Variants in IQSEC2 observed in about 807,000 individuals in gnomAD.
IQSEC2 encodes the protein IQ motif and SEC7 domain-containing protein 2.
Under a neutral mutation model 74.6 loss-of-function variants are expected in IQSEC2, and 6 were observed. The observed-to-expected ratio is 0.08, with a 90% CI of 0.04 to 0.16. The LOEUF is 0.16. Among genes scored for constraint, IQSEC2 ranks in the 10% least tolerant of loss-of-function variants. The probability of loss-of-function intolerance (pLI) is 1.00; values close to 1 mark genes in which losing one functional copy is unlikely to be tolerated. For synonymous variants in IQSEC2, 494 were observed against 544.5 expected, an observed-to-expected ratio of 0.91 and a Z score of 1.29; for missense variants, 734 against 1,306.2, an observed-to-expected ratio of 0.56 and a Z score of 6.75.
intron 2 of IQSEC2, among the ~76,000 whole-genome samples, chrX:53,258,625 C>T (rs1182381759): frequency 9.1e-6 from 1 of 110,471 alleles, no homozygotes; most frequent in African/African-American, 3.3e-5. Context: ...GAGGCTGAGG[C>T]GAGCAGATCA....
chrX:53,228,972 A>C (rs1437620412), downstream of IQSEC2: 2 of 112,913 alleles, frequency 1.8e-5, no homozygotes, highest in Non-Finnish European at 3.7e-5. Flanking sequence ...GGTTAAAATA[A>C]AAATCCATGA....
chrX:53,289,319 C>T (rs955829385), intron 2 of IQSEC2, among the ~76,000 whole-genome samples: 3 of 111,139 alleles, frequency 2.7e-5, no homozygotes, highest in Non-Finnish European at 3.8e-5. Flanking sequence ...CACAGAGCCT[C>T]GCCTCTCTCC....
At chrX:53,243,581 G>A (rs1028081720) in intron 8 of IQSEC2, 110 bp from the exon 9 acceptor site, 1 of 1,014,493 alleles carries the variant, frequency 9.9e-7, no homozygotes, top group African/African-American at 2.0e-5. Context: ...CAGGACTGAG[G>A]GTCAATGGGT....
At chrX:53,317,162 G>GC (rs370580291) in intron 1 of IQSEC2, among the ~76,000 whole-genome samples, 11 of 112,226 alleles carry the variant, frequency 9.8e-5, no homozygotes, top group African/African-American at 3.6e-4. Flanking sequence ...CAGGCTTGGG[G>GC]GGGTATGTGG....
intron 4 of IQSEC2, among the ~76,000 whole-genome samples, chrX:53,252,984 A>T (rs1004389174): frequency 8.9e-6 from 1 of 111,808 alleles, no homozygotes; most frequent in African/African-American, 3.3e-5. Flanking sequence ...TGCTTGACAC[A>T]GAAGAGATGT....
At position 53,288,634 on chromosome X, in the gene IQSEC2, T is replaced by C. The variant is rs190570359; in HGVS notation, c.737+3261A>G. On this transcript the variant is annotated intron_variant, in intron 2 of 14. Coordinates refer to ENST00000642864, the MANE Select transcript of IQSEC2 (RefSeq NM_001111125.3). ...TGACTATATAGCATATGACAATGGA[T>C]TGGGTTAGGGGAAAGCAGAGGACAC... Among the ~76,000 whole-genome samples, 91 of 112,105 alleles carry C rather than the reference T, an allele frequency of 8.1e-4. 1 individual carries two copies. Among genetic ancestry groups the C allele is most frequent in the African/African-American group, 2.7e-3 (83 of 30,855 alleles).
chrX:53,284,384 C>G (rs192904923), intron 2 of IQSEC2, among the ~76,000 whole-genome samples: 1 of 109,530 alleles, frequency 9.1e-6, no homozygotes, highest in Admixed American at 9.8e-5. Flanking sequence ...TGCACCCCAC[C>G]CAGACAGAAG....
chrX:53,286,394 A>G (rs1556871742), intron 2 of IQSEC2, among the ~76,000 whole-genome samples: 1 of 111,895 alleles, frequency 8.9e-6, no homozygotes. Flanking sequence ...GTACACATAA[A>G]AACTGTGCTT....
At chrX:53,235,252 CCT>C (rs1197483421) in intron 14 of IQSEC2, 68 bp from the exon 15 acceptor site, 6 of 1,147,188 alleles carry the variant, frequency 5.2e-6, no homozygotes, top group Non-Finnish European at 5.8e-6. Context: ...AAATTCCACC[CCT>C]GTCCCTGAGG....
chrX:53,232,337 C>T (rs191672207), downstream of IQSEC2, among the ~76,000 whole-genome samples: 14 of 111,902 alleles, frequency 1.3e-4, no homozygotes, highest in Admixed American at 6.6e-4. Flanking sequence ...ACTCCCCTAC[C>T]CTCAAGGATA....
intron 1 of IQSEC2, among the ~76,000 whole-genome samples, chrX:53,308,188 G>C (rs1253747470): frequency 1.4e-4 from 9 of 66,074 alleles, no homozygotes; most frequent in Non-Finnish European, 2.4e-4. Context: ...AAAAAAAAAA[G>C]AAGAGACTTA....
chrX:53,253,036 T>C (rs782389446), intron 4 of IQSEC2, among the ~76,000 whole-genome samples: 19 of 112,163 alleles, frequency 1.7e-4, no homozygotes, highest in African/African-American at 6.2e-4. Context: ...ACGAATGATA[T>C]AGATCTTCCC....
In IQSEC2 at chrX:53,234,316, G is replaced by T; in HGVS notation, c.4370C>A (p.Pro1457His). 1.6e-6 allele frequency: 1 copy of T among 628,602 alleles called. No individual in the cohort carries two copies. Among genetic ancestry groups the T allele is most frequent in the African/African-American group, 2.7e-5 (1 of 36,672 alleles). 51.8% of individuals were successfully genotyped at this position (628,602 alleles called of 1,213,427 possible). ...TPHSPLPPTS[P>H]HGPLHASGPP... ...CCCAGAGGCGTGCAGCGGGCCATGG[G>T]GGGAGGTGGGTGGAAGGGGTGAGTG... The change falls in exon 15 of 15, where the codon CCC (proline) becomes CAC (histidine). Residue 1457 changes from proline to histidine, a missense_variant. Physicochemically the swap from Pro to His is moderately conservative, Grantham distance 77. Coordinates refer to ENST00000642864, the MANE Select transcript of IQSEC2 (RefSeq NM_001111125.3).
chrX:53,285,335 C>G (rs782416669), intron 2 of IQSEC2, among the ~76,000 whole-genome samples: 1 of 112,711 alleles, frequency 8.9e-6, no homozygotes, highest in African/African-American at 3.2e-5. Flanking sequence ...TGTTACTCAC[C>G]ACCCTATCAG....
chrX:53,276,914 G>A (rs1357268190), intron 2 of IQSEC2, among the ~76,000 whole-genome samples: 1 of 112,117 alleles, frequency 8.9e-6, no homozygotes, highest in Non-Finnish European at 1.9e-5. Context: ...CACTCTTGGG[G>A]CAAACTTTCA....
At chrX:53,254,294 C>T (rs1253526895) in intron 4 of IQSEC2, among the ~76,000 whole-genome samples, 1 of 102,981 alleles carries the variant, frequency 9.7e-6, no homozygotes, top group African/African-American at 3.6e-5. Context: ...CGTGCCATTG[C>T]ACTCCAGCCT....
chrX:53,250,498 C>A lies in IQSEC2; in HGVS notation c.2078G>T (p.Gly693Val). Reference protein sequence around the residue: ...KCEAAGENSDGGDNESLESSS... With the variant: ...KCEAAGENSDVGDNESLESSS... Reference sequence around the variant, plus strand: ...GCTCTCAAGGCTCTCGTTATCTCCACCATCAGAGTTCTCGCCTGCTGCCTC... The same window carrying A: ...GCTCTCAAGGCTCTCGTTATCTCCAACATCAGAGTTCTCGCCTGCTGCCTC... The change falls in exon 5 of 15, where the codon GGT (glycine) becomes GTT (valine). Residue 693 changes from glycine (G) to valine (V), a missense_variant. Physicochemically the swap from Gly to Val is moderately radical, Grantham distance 109. This residue lies in a region of IQSEC2 where 204 missense variants were observed against 305.4 expected (regional missense o/e 0.67). Coordinates refer to ENST00000642864, the MANE Select transcript of IQSEC2 (RefSeq NM_001111125.3). 8.3e-7 allele frequency: 1 copy of A among 1,211,954 alleles called. No homozygotes were observed. The highest frequency in any genetic ancestry group is 2.3e-4 in the Middle Eastern group (1 of 4,356).
intron 2 of IQSEC2, among the ~76,000 whole-genome samples, chrX:53,278,674 C>G (rs1192697199): frequency 1.8e-5 from 2 of 111,738 alleles, no homozygotes; most frequent in Non-Finnish European, 3.8e-5. Flanking sequence ...AATCCCTGTG[C>G]CCATATTTTA....
intron 2 of IQSEC2, among the ~76,000 whole-genome samples, chrX:53,262,943 C>T (rs1217485254): frequency 8.9e-6 from 1 of 112,598 alleles, no homozygotes; most frequent in East Asian, 2.8e-4. Context: ...AACTGAGGTA[C>T]AGAGAGATGA....
Sources: gnomAD v4.1 joint callset for allele counts (sites outside exome capture counted in the v4.1 genomes callset) on GRCh38, gnomAD v4.1.1 for gene constraint, gnomAD v4.1.1 regional missense constraint, MANE v1.5 for transcripts, NCBI Gene and HGNC (gene_info 2026-07-23, HGNC 2026-07-21) for gene names.